Variants in PTGER3 observed in about 807,000 individuals in gnomAD.
PTGER3 encodes prostaglandin E2 receptor EP3 subtype.
In PTGER3, 22 loss-of-function variants were observed where a neutral mutation model predicts 34.7. The ratio of observed to expected loss-of-function variants is 0.63; its 90% CI spans 0.45 to 0.91. PTGER3 has a LOEUF of 0.91. PTGER3 is among the 40% of genes least tolerant of loss of function. The pLI is 0.00. For missense variants in PTGER3, 468 were observed against 519.4 expected (o/e 0.90, Z 0.96); for synonymous variants, 241 against 230.1 (o/e 1.05, Z -0.43).
intron 4 of PTGER3, among the ~76,000 whole-genome samples, chr1:70,892,837 CAAAA>C (rs1176220550): frequency 4.2e-5 from 2 of 47,908 alleles, no homozygotes; most frequent in Non-Finnish European, 1.1e-4. Flanking sequence ...CAAGACTCCT[CAAAA>C]AAAAAAAAAA....
At chr1:70,976,021 G>A (rs1486768058) in intron 2 of PTGER3, among the ~76,000 whole-genome samples, 11 of 151,976 alleles carry the variant, frequency 7.2e-5, no homozygotes, top group Non-Finnish European at 1.5e-5. Context: ...AAATGCCCTT[G>A]GGCTTGCATT....
chr1:70,864,180 TAC>T (rs1645990802), intron 4 of PTGER3, among the ~76,000 whole-genome samples: 1 of 152,180 alleles, frequency 6.6e-6, no homozygotes, highest in African/African-American at 2.4e-5. Flanking sequence ...TCTAGCTATT[TAC>T]TTCTAGTTTT....
At chr1:70,890,626 C>G (rs1646595931) in intron 4 of PTGER3, among the ~76,000 whole-genome samples, 1 of 152,192 alleles carries the variant, frequency 6.6e-6, no homozygotes, top group Admixed American at 6.5e-5. Flanking sequence ...TTTGTCTTAT[C>G]AGTTTTAGCA....
intron 2 of PTGER3, among the ~76,000 whole-genome samples, chr1:70,965,704 C>A (rs1652444942): frequency 6.6e-6 from 1 of 152,138 alleles, no homozygotes; most frequent in African/African-American, 2.4e-5. Flanking sequence ...TTATGGAGCA[C>A]CTCTTAATAA....
At chr1:70,976,273 T>C (rs1354926588) in intron 2 of PTGER3, among the ~76,000 whole-genome samples, 1 of 152,100 alleles carries the variant, frequency 6.6e-6, no homozygotes, top group Non-Finnish European at 1.5e-5. Flanking sequence ...GGACGCGTCA[T>C]TATACATTTT....
chr1:70,986,542 T>A (rs1054328034), intron 2 of PTGER3, among the ~76,000 whole-genome samples: 1 of 152,144 alleles, frequency 6.6e-6, no homozygotes. Flanking sequence ...ACCACAAGGC[T>A]AGAACATGTT....
At chr1:70,866,884 C>T (rs1055049734) in intron 4 of PTGER3, among the ~76,000 whole-genome samples, 2 of 152,160 alleles carry the variant, frequency 1.3e-5, no homozygotes, top group African/African-American at 2.4e-5. Context: ...TTCTCTGCTC[C>T]GAATGCCTTA....
chr1:70,953,524 T>C (rs1037350186), intron 3 of PTGER3, among the ~76,000 whole-genome samples: 4 of 152,144 alleles, frequency 2.6e-5, no homozygotes, highest in African/African-American at 9.7e-5. Context: ...AGACATGTTA[T>C]ATGGGGGCAA....
At chr1:70,918,119 G>C (rs1189035500) in intron 4 of PTGER3, among the ~76,000 whole-genome samples, 3 of 151,850 alleles carry the variant, frequency 2.0e-5, no homozygotes, top group African/African-American at 7.3e-5. Flanking sequence ...TTTCAACAAA[G>C]GTACCAACAA....
intron 4 of PTGER3, among the ~76,000 whole-genome samples, chr1:70,900,871 G>A (rs1481482296): frequency 6.6e-6 from 1 of 152,002 alleles, no homozygotes; most frequent in South Asian, 2.1e-4. Flanking sequence ...AAAGCAGTGA[G>A]GGTCGGGACT....
At chr1:71,005,832 G>A (rs1056674299) in intron 2 of PTGER3, 58 of 953,796 alleles carry the variant, frequency 6.1e-5, no homozygotes, top group African/African-American at 5.3e-4. Flanking sequence ...TGGAAATTTC[G>A]GGTGAGCCAT....
At chr1:70,981,335 CTTTCTTT>C (rs1654283478) in intron 2 of PTGER3, among the ~76,000 whole-genome samples, 2 of 47,636 alleles carry the variant, frequency 4.2e-5, no homozygotes, top group Non-Finnish European at 8.2e-5. Context: ...TTCTTTCTTT[CTTTCTTT>C]CTTTCTTTCT....
intron 2 of PTGER3, among the ~76,000 whole-genome samples, chr1:70,961,155 A>C (rs1272911931): frequency 1.3e-5 from 2 of 152,222 alleles, no homozygotes; most frequent in Non-Finnish European, 2.9e-5. Context: ...GAAGGTTTAA[A>C]AAAATGCAAA....
chr1:71,013,068 C>T (rs745612423), intron 1 of PTGER3, among the ~76,000 whole-genome samples: 3 of 152,136 alleles, frequency 2.0e-5, no homozygotes, highest in Admixed American at 1.3e-4. Flanking sequence ...ATGAGCCAGA[C>T]TAATACCATA....
chr1:70,881,655 A>G (rs1646393057), intron 4 of PTGER3, among the ~76,000 whole-genome samples: 1 of 151,978 alleles, frequency 6.6e-6, no homozygotes, highest in African/African-American at 2.4e-5. Context: ...GTGGGATTAG[A>G]CAACTGGCTT....
intron 2 of PTGER3, among the ~76,000 whole-genome samples, chr1:70,957,491 G>T (rs544872249): frequency 6.6e-6 from 1 of 151,914 alleles, no homozygotes; most frequent in African/African-American, 2.4e-5. Flanking sequence ...TTTTTTGCAG[G>T]GAAAACTTCC....
At chr1:71,046,016 G>A (rs1660750877) in intron 1 of PTGER3, among the ~76,000 whole-genome samples, 3 of 151,622 alleles carry the variant, frequency 2.0e-5, no homozygotes, top group South Asian at 4.2e-4. Flanking sequence ...AAACCCGGCC[G>A]GGCGCGGTGG....
At chr1:70,983,045 A>G (rs549974091) in intron 2 of PTGER3, among the ~76,000 whole-genome samples, 68 of 152,236 alleles carry the variant, frequency 4.5e-4, no homozygotes, top group African/African-American at 1.5e-3. Flanking sequence ...GAAGCTTTGA[A>G]GAATAAAAAA....
At chr1:70,893,664 T>G (rs1646666044) in intron 4 of PTGER3, among the ~76,000 whole-genome samples, 1 of 152,218 alleles carries the variant, frequency 6.6e-6, no homozygotes, top group East Asian at 1.9e-4. Flanking sequence ...CCCTGAATAG[T>G]CAGGACTTTT....
Sources: gnomAD v4.1 joint callset for allele counts (sites outside exome capture counted in the v4.1 genomes callset) on GRCh38, gnomAD v4.1.1 for gene constraint, MANE v1.5 for transcripts, NCBI Gene and HGNC (gene_info 2026-07-23, HGNC 2026-07-21) for gene names.